The following HEATR1 variants were observed in gnomAD, a reference collection of about 807,000 sequenced individuals.
HEATR1 encodes the protein HEAT repeat-containing protein 1.
HEATR1 carries 77 observed loss-of-function variants against 248.2 expected under a neutral mutation model. The ratio of observed to expected loss-of-function variants is 0.31; its 90% confidence interval spans 0.26 to 0.37. The LOEUF (loss-of-function observed/expected upper bound fraction) is 0.37, where lower values mean the gene tolerates loss of function less well. Among genes scored for constraint, HEATR1 ranks in the 10% least tolerant of loss-of-function variants. The pLI, the probability that HEATR1 is intolerant of heterozygous loss-of-function variation, is 1.00. For synonymous variants in HEATR1, 897 were observed against 923.1 expected (o/e 0.97, Z 0.51); for missense variants, 2,420 against 2,504.9 (o/e 0.97, Z 0.72).
chr1:236,580,277 G>C (rs892284276), intron 20 of HEATR1, among the ~76,000 whole-genome samples: 2 of 152,168 alleles, frequency 1.3e-5, no homozygotes, highest in Admixed American at 6.5e-5. Flanking sequence ...CCCGATAAAA[G>C]AGATAAATGC....
intron 43 of HEATR1, 35 bp downstream of exon 43, chr1:236,553,546 G>C (rs1352505716): frequency 6.2e-7 from 1 of 1,600,798 alleles, no homozygotes; most frequent in Non-Finnish European, 8.5e-7. Flanking sequence ...GCAGTGAAAA[G>C]ATGCAGTTTC....
chr1:236,552,039 C>T lies in HEATR1; in HGVS notation c.6306G>A (p.Leu2102=). 1 of 1,613,486 alleles carries T rather than the reference C, an allele frequency of 6.2e-7. No individual in the cohort carries two copies. The highest frequency in any genetic ancestry group is 8.5e-7 in the Non-Finnish European group (1 of 1,179,616). ...CTAAGAAAGGAATGGATTCTGGTAGCAAGACAATATAATTCTCCTTTAGTT... is the reference window on the plus strand; with the variant it reads ...CTAAGAAAGGAATGGATTCTGGTAGTAAGACAATATAATTCTCCTTTAGTT... The part of the protein sequence containing the change: ...AEKLKENYIV[L]LPESIPFLAE... Residue 2102 remains leucine, a synonymous_variant, in exon 44 of 45, where the codon TTG becomes TTA. Coordinates refer to ENST00000366582, the MANE Select transcript of HEATR1 (RefSeq NM_018072.6).
At chr1:236,582,253 C>T (rs896615767) in intron 19 of HEATR1, among the ~76,000 whole-genome samples, 22 of 152,008 alleles carry the variant, frequency 1.4e-4, no homozygotes, top group Non-Finnish European at 2.6e-4. Context: ...TTCAGGAGCC[C>T]GCCACCACAC....
chr1:236,598,564 G>A (rs1572054976), intron 4 of HEATR1, among the ~76,000 whole-genome samples: 1 of 152,170 alleles, frequency 6.6e-6, no homozygotes, highest in East Asian at 1.9e-4. Flanking sequence ...TTGATGCTAT[G>A]GGCAGAGTGA....
intron 38 of HEATR1, 77 bp from the exon 39 acceptor site, chr1:236,556,016 A>T (rs1662965504): frequency 6.2e-7 from 1 of 1,605,604 alleles, no homozygotes; most frequent in South Asian, 1.1e-5. Flanking sequence ...TTTAAAAACT[A>T]AATCTTCTTC....
chr1:236,554,226 TA>T (rs1370535695), intron 42 of HEATR1, among the ~76,000 whole-genome samples: 1 of 152,074 alleles, frequency 6.6e-6, no homozygotes, highest in African/African-American at 2.4e-5. Flanking sequence ...ACCTCATCCC[TA>T]CTAAAAATAC....
chr1:236,582,288 C>T (rs1038771169), intron 19 of HEATR1, among the ~76,000 whole-genome samples: 1 of 151,710 alleles, frequency 6.6e-6, no homozygotes, highest in African/African-American at 2.4e-5. Flanking sequence ...TTGTATTTTT[C>T]GTAGAGACGG....
intron 20 of HEATR1, among the ~76,000 whole-genome samples, chr1:236,578,525 C>T (rs1275929713): frequency 6.6e-6 from 1 of 152,164 alleles, no homozygotes; most frequent in East Asian, 1.9e-4. Flanking sequence ...TTGGCTAATG[C>T]CTTTTCAAAT....
At position 236,581,369 on chromosome 1, in the gene HEATR1, A is replaced by G. The variant is rs137974716; in HGVS notation, c.2608T>C (p.Leu870=). The change falls in exon 20 of 45, where the codon TTA becomes CTA. Residue 870 remains leucine (L), a synonymous_variant. Coordinates refer to ENST00000366582, the MANE Select transcript of HEATR1 (RefSeq NM_018072.6). Reference sequence around the variant, plus strand: ...GAAAGGCTAGAACCATAGGTCCATAAAACAGAACAGAACTTGAATAACTGA... The same window carrying G: ...GAAAGGCTAGAACCATAGGTCCATAGAACAGAACAGAACTTGAATAACTGA... The part of the protein sequence containing the change: ...VFQLFKFCSV[L]WTYGSSLSNP... The G allele has an allele frequency of 2.3e-4, 369 of 1,587,290 alleles. 1 individual carries two copies. The African/African-American group carries it at 3.8e-3, about 16-fold the overall frequency.
intron 11 of HEATR1, among the ~76,000 whole-genome samples, chr1:236,591,159 T>A (rs909862988): frequency 3.9e-5 from 6 of 152,212 alleles, no homozygotes; most frequent in Non-Finnish European, 7.4e-5. Flanking sequence ...GTTAATGGTA[T>A]GATTTCATGT....
At chr1:236,561,007 T>C (rs1663116866) in intron 33 of HEATR1, among the ~76,000 whole-genome samples, 1 of 152,198 alleles carries the variant, frequency 6.6e-6, no homozygotes, top group South Asian at 2.1e-4. Context: ...TAAGAACATC[T>C]CTTATTCTTA....
intron 35 of HEATR1, 142 bp from the exon 36 acceptor site, chr1:236,558,671 A>G (rs1663042168): frequency 1.2e-6 from 1 of 837,052 alleles, no homozygotes; most frequent in African/African-American, 1.7e-5. Flanking sequence ...AGCGATGTGC[A>G]TGTTCTAGCC....
At chr1:236,559,667 A>T in intron 34 of HEATR1, 47 bp downstream of exon 34, 1 of 1,549,648 alleles carries the variant, frequency 6.5e-7, no homozygotes, top group Non-Finnish European at 8.8e-7. Context: ...ACAATAATTT[A>T]AAAAACAGCA....
chr1:236,565,995 C>T lies in HEATR1; in HGVS notation c.4359G>A (p.Glu1453=), dbSNP rs765658654. ...DTEFWFSVCC[E]FSVQHQIQSL... ...TTTGTATCTGATGCTGGACACTAAA[C>T]TCACAACAGACTGAAAACCAAAATT... The change falls in exon 31 of 45, where the codon GAG becomes GAA. Residue 1453 remains glutamate (E), a synonymous_variant. Transcript: ENST00000366582. 2.5e-6 allele frequency: 4 copies of T among 1,613,960 alleles called. No individual in the cohort carries two copies. Among genetic ancestry groups the T allele is most frequent in the Non-Finnish European group, 3.4e-6 (4 of 1,179,906 alleles).
At chr1:236,590,701 A>T in intron 12 of HEATR1, 146 bp downstream of exon 12, 1 of 399,772 alleles carries the variant, frequency 2.5e-6, no homozygotes, top group South Asian at 1.3e-4. Context: ...ACACAGTCCT[A>T]AATATTAGTC....
chr1:236,552,098 C>T lies in HEATR1; in HGVS notation c.6247G>A (p.Ala2083Thr). 2.5e-6 allele frequency: 4 copies of T among 1,606,344 alleles called. No homozygotes were observed. The highest frequency in any genetic ancestry group is 3.4e-6 in the Non-Finnish European group (4 of 1,174,124). ...TRDSSPKVRF[A>T]ALITVLALAE... ...AGTGCTAACACAGTAATCAAAGCAG[C>T]AAATCGAACCTGAAAGGGATAAAAG... Residue 2083 changes from alanine to threonine, a missense_variant, in exon 44 of 45, where the codon GCT (alanine) becomes ACT (threonine). Physicochemically the swap from Ala to Thr is moderately conservative, Grantham distance 58. Transcript: ENST00000366582.
rs16833953 is a variant in HEATR1 at position 236,576,835 on chromosome 1, T to C, written c.2870A>G (p.Asp957Gly). 49,106 of 1,613,832 alleles carry C rather than the reference T, an allele frequency of 0.03. 1,158 individuals are homozygous for C. The highest frequency in any genetic ancestry group is 0.12 in the Admixed American group (7,242 of 59,986). ...GVASPFYLII[D>G]HLISKAEEIT... ...CTCCTCTGCTTTAGAAATCAAATGATCTATTATCAGATAAAACGGGGATGC... is the reference window on the plus strand; with the variant it reads ...CTCCTCTGCTTTAGAAATCAAATGACCTATTATCAGATAAAACGGGGATGC... Residue 957 changes from aspartate to glycine, a missense_variant, in exon 21 of 45, where the codon GAT (aspartate) becomes GGT (glycine). Physicochemically the swap from Asp to Gly is moderately conservative, Grantham distance 94. Transcript: ENST00000366582.
At chr1:236,576,706 T>C in intron 21 of HEATR1, 74 bp downstream of exon 21, 1 of 1,357,670 alleles carries the variant, frequency 7.4e-7, no homozygotes, top group South Asian at 1.5e-5. Context: ...CACAGTGAAA[T>C]GTCGAGAATG....
At chr1:236,558,573 A>G (rs1663039317) in intron 35 of HEATR1, 44 bp from the exon 36 acceptor site, 12 of 1,553,710 alleles carry the variant, frequency 7.7e-6, no homozygotes, top group Non-Finnish European at 1.0e-5. Flanking sequence ...AAGCTGCAAA[A>G]AATGTTTGTC....
Sources: allele counts gnomAD v4.1 joint callset (sites outside exome capture counted in the v4.1 genomes callset), GRCh38; gene constraint gnomAD v4.1.1; transcripts MANE v1.5; gene names NCBI Gene and HGNC (gene_info 2026-07-23, HGNC 2026-07-21).